The following RIC1 variants were observed in gnomAD, a reference collection of about 807,000 sequenced individuals.
RIC1 encodes the protein guanine nucleotide exchange factor subunit RIC1.
A neutral mutation model predicts 169.0 loss-of-function variants in RIC1; 88 were observed. The observed-to-expected ratio is 0.52, with a 90% CI of 0.44 to 0.62. RIC1 has a LOEUF of 0.62. Among genes scored for constraint, RIC1 ranks in the 20% least tolerant of loss-of-function variants. The pLI is 0.00. For missense variants in RIC1, 1,877 were observed against 1,725.5 expected (o/e 1.09, Z -1.56); for synonymous variants, 790 against 601.5 (o/e 1.31, Z -4.59).
intron 2 of RIC1, among the ~76,000 whole-genome samples, chr9:5,680,773 A>G (rs1045857149): frequency 1.4e-5 from 2 of 139,056 alleles, no homozygotes; most frequent in East Asian, 4.4e-4. Context: ...CGGTCTATCA[A>G]TTTTGTTGAT....
chr9:5,768,891 A>G lies in RIC1; in HGVS notation c.3138-79A>G, dbSNP rs147721992. The G allele has an allele frequency of 1.8e-4, 260 of 1,438,276 alleles. 2 individuals are homozygous for G. In the East Asian group the frequency reaches 5.1e-3, roughly 28 times the overall value. 89.1% of individuals were successfully genotyped at this position (1,438,276 alleles called of 1,614,324 possible). On this transcript the variant is annotated intron_variant, in intron 21 of 25. Transcript: ENST00000414202. ...GATCTCTTATCTCCTTGTCAGCTTT[A>G]TCAGTACCTCTGCGTAATAAGGATG...
At chr9:5,725,897 G>A (rs981774389) in intron 6 of RIC1, among the ~76,000 whole-genome samples, 7 of 152,124 alleles carry the variant, frequency 4.6e-5, no homozygotes, top group African/African-American at 1.7e-4. Context: ...CTGAGTTCTA[G>A]TTTGATTGCA....
chr9:5,687,493 C>T (rs1821320342), intron 2 of RIC1, among the ~76,000 whole-genome samples: 1 of 151,924 alleles, frequency 6.6e-6, no homozygotes, highest in Non-Finnish European at 1.5e-5. Context: ...CTGTAAATTT[C>T]CTCTTTAGTA....
At chr9:5,683,947 G>GT (rs991668488) in intron 2 of RIC1, among the ~76,000 whole-genome samples, 50 of 152,236 alleles carry the variant, frequency 3.3e-4, no homozygotes, top group African/African-American at 1.2e-3. Context: ...TCCGAGCCAG[G>GT]TGCGGGATAT....
intron 2 of RIC1, among the ~76,000 whole-genome samples, chr9:5,686,071 T>C (rs201226722): frequency 1.3e-5 from 2 of 151,740 alleles, no homozygotes; most frequent in Non-Finnish European, 2.9e-5. Flanking sequence ...TCAAAGCCAC[T>C]ATGAGATATC....
chr9:5,775,578 T>C lies in RIC1; in HGVS notation c.*1332T>C, dbSNP rs1453056102. The C allele has an allele frequency of 6.6e-6, 1 of 152,204 alleles. No individual in the cohort carries two copies. The highest frequency in any genetic ancestry group is 2.4e-5 in the African/African-American group (1 of 41,450). 9.4% of individuals were successfully genotyped at this position (152,204 alleles called of 1,614,324 possible). ...ATTCGTACCACTATCTAAAATAGCC[T>C]CTTTTCTCATAGTGCAGTTGTAGTT... On this transcript the variant is annotated 3_prime_UTR_variant, in exon 26 of 26. Coordinates refer to ENST00000414202, the MANE Select transcript of RIC1 (RefSeq NM_020829.4).
chr9:5,762,158 C>T (rs1256597024), intron 17 of RIC1, among the ~76,000 whole-genome samples: 1 of 152,220 alleles, frequency 6.6e-6, no homozygotes, highest in African/African-American at 2.4e-5. Context: ...AACCCTTACT[C>T]TCCCACACGT....
At chr9:5,731,270 G>A (rs1362033770) in intron 6 of RIC1, among the ~76,000 whole-genome samples, 1 of 152,000 alleles carries the variant, frequency 6.6e-6, no homozygotes, top group Non-Finnish European at 1.5e-5. Context: ...CTTATTGTAG[G>A]ACTGAATTTC....
At chr9:5,647,956 GTGGTGGTGGTGGTGGTGA>G (rs1401221204) in intron 1 of RIC1, among the ~76,000 whole-genome samples, 4 of 130,250 alleles carry the variant, frequency 3.1e-5, no homozygotes, top group Non-Finnish European at 6.4e-5. Context: ...GGTGGTGGTG[GTGGTGGTGGTGGTGGTGA>G]TGGTGGTGGT....
chr9:5,773,782 C>G (rs1827396337), intron 25 of RIC1, among the ~76,000 whole-genome samples, 176 bp from the exon 26 acceptor site: 1 of 152,202 alleles, frequency 6.6e-6, no homozygotes, highest in African/African-American at 2.4e-5. Context: ...GTGCAGCCCC[C>G]TCTGCTGGGC....
At position 5,629,171 on chromosome 9, in the gene RIC1, A is replaced by G; in HGVS notation, c.-139A>G. ...AGCCTTGCGTCGGCCCGGCCCGGCCAGGCCAGCGGGCAGATGCCCCGAGCT... is the reference window on the plus strand; with the variant it reads ...AGCCTTGCGTCGGCCCGGCCCGGCCGGGCCAGCGGGCAGATGCCCCGAGCT... On this transcript the variant is annotated 5_prime_UTR_variant, in exon 1 of 26. Coordinates refer to ENST00000414202, the MANE Select transcript of RIC1 (RefSeq NM_020829.4). The G allele has an allele frequency of 1.2e-6, 1 of 804,628 alleles. No homozygotes were observed. The highest frequency in any genetic ancestry group is 1.7e-6 in the Non-Finnish European group (1 of 597,688). The allele number at this position is 804,628 out of a possible 1,614,324, so 49.8% of individuals were successfully genotyped here. A position where few individuals can be genotyped will look rare whatever the true frequency, so the allele number is the denominator to read the frequency against.
chr9:5,700,173 A>G (rs561071883), intron 3 of RIC1, among the ~76,000 whole-genome samples: 2 of 152,172 alleles, frequency 1.3e-5, no homozygotes, highest in Non-Finnish European at 1.5e-5. Flanking sequence ...TGATTAACCA[A>G]TACTGAGCTG....
chr9:5,688,723 T>A (rs1355792573), intron 2 of RIC1, among the ~76,000 whole-genome samples: 1 of 152,208 alleles, frequency 6.6e-6, no homozygotes, highest in Non-Finnish European at 1.5e-5. Context: ...ATTTTCTTGG[T>A]CATTCCTTTG....
At chr9:5,690,559 T>G (rs1159808973) in intron 3 of RIC1, among the ~76,000 whole-genome samples, 1 of 130,956 alleles carries the variant, frequency 7.6e-6, no homozygotes, top group Non-Finnish European at 1.6e-5. Context: ...TTGTAAAGCA[T>G]TCCATCTTTT....
chr9:5,752,240 A>G (rs1825764785), intron 12 of RIC1, among the ~76,000 whole-genome samples: 1 of 152,152 alleles, frequency 6.6e-6, no homozygotes, highest in Non-Finnish European at 1.5e-5. Flanking sequence ...AGATAGAGTT[A>G]ATATTTGTAA....
intron 8 of RIC1, among the ~76,000 whole-genome samples, chr9:5,740,582 C>A (rs187590010): frequency 6.6e-6 from 1 of 151,476 alleles, no homozygotes; most frequent in Admixed American, 6.6e-5. Context: ...AGTTCCAAAA[C>A]TGAAGAACTT....
rs531431650 is a variant in RIC1, at chr9:5,702,033, G to A, written c.333-11863G>A. Among the ~76,000 whole-genome samples the A allele has an allele frequency of 2.6e-5, 4 of 152,226 alleles. No homozygotes were observed. The East Asian group carries it at 7.7e-4, about 29-fold the overall frequency. On this transcript the variant is annotated intron_variant, in intron 3 of 25. Transcript: ENST00000414202. ...CTTTACTCATTTAAGACATTTGTTG[G>A]TTTTGGGCTATATACAAGGCAATGG...
At position 5,747,197 on chromosome 9, in the gene RIC1, TC is replaced by T. The variant is rs1467212181; in HGVS notation, c.1249-103del. 67 of 800,008 alleles carry T rather than the reference TC, an allele frequency of 8.4e-5. 1 individual carries two copies. The highest frequency in any genetic ancestry group is 3.1e-4 in the South Asian group (19 of 60,938). The allele number at this position is 800,008 out of a possible 1,614,324, so 49.6% of individuals were successfully genotyped here. A position where few individuals can be genotyped will look rare whatever the true frequency, so the allele number is the denominator to read the frequency against. On this transcript the variant is annotated intron_variant, in intron 11 of 25. Coordinates refer to ENST00000414202, the MANE Select transcript of RIC1 (RefSeq NM_020829.4). ...ATCAACATCGAGATACATGTACATT[TC>T]CTATAATAAAACTAAATCGATGTGT...
At chr9:5,728,991 G>A (rs1288430211) in intron 6 of RIC1, among the ~76,000 whole-genome samples, 1 of 152,090 alleles carries the variant, frequency 6.6e-6, no homozygotes, top group Non-Finnish European at 1.5e-5. Context: ...CCTACCTTTA[G>A]AGCCATACCC....
Sources: gnomAD v4.1 joint callset for allele counts (sites outside exome capture counted in the v4.1 genomes callset) on GRCh38, gnomAD v4.1.1 for gene constraint, MANE v1.5 for transcripts, NCBI Gene and HGNC (gene_info 2026-07-23, HGNC 2026-07-21) for gene names.